Variants in GARNL3 observed in about 807,000 individuals in gnomAD.
GARNL3 encodes GTPase activating Rap/RanGAP domain like 3.
GARNL3 carries 63 observed loss-of-function variants against 125.0 expected under a neutral mutation model. The ratio of observed to expected loss-of-function variants is 0.50; its 90% CI spans 0.41 to 0.62. The LOEUF (loss-of-function observed/expected upper bound fraction) is 0.62. Among genes scored for constraint, GARNL3 ranks in the 20% least tolerant of loss-of-function variants. GARNL3 has a pLI of 0.00. For synonymous variants in GARNL3, 439 were observed against 457.5 expected (o/e 0.96, Z 0.52); for missense variants, 994 against 1,244.0 (o/e 0.80, Z 3.02).
Position 127,321,910 on chromosome 9 carries a change from G to A in GARNL3, c.567+1132G>A, listed in dbSNP as rs116020330. On this transcript the variant is annotated intron_variant, in intron 6 of 27. Coordinates refer to ENST00000373387, the MANE Select transcript of GARNL3 (RefSeq NM_032293.5). ...ACTGATTGGAACATGAACAATCTTT[G>A]CTTGTATATCTTTAAAATACGGTTA... Among the ~76,000 whole-genome samples, 414 of 152,236 alleles carry A rather than the reference G, an allele frequency of 2.7e-3. 2 individuals carry two copies. Among genetic ancestry groups the A allele is most frequent in the African/African-American group, 9.4e-3 (390 of 41,546 alleles).
intron 1 of GARNL3, among the ~76,000 whole-genome samples, chr9:127,227,476 C>T (rs1207947918): frequency 6.6e-6 from 1 of 152,054 alleles, no homozygotes; most frequent in Non-Finnish European, 1.5e-5. Flanking sequence ...TGGTAGGCGC[C>T]TGTAATCCCA....
chr9:127,386,751 G>A (rs554236027), intron 24 of GARNL3, among the ~76,000 whole-genome samples: 7 of 152,346 alleles, frequency 4.6e-5, no homozygotes, highest in East Asian at 3.9e-4. Flanking sequence ...TAGCAGCAGC[G>A]CCAGCGCATC....
At chr9:127,231,050 A>ATATTTTTTTTTT (rs1161629810) in intron 1 of GARNL3, among the ~76,000 whole-genome samples, 1 of 89,580 alleles carries the variant, frequency 1.1e-5, no homozygotes, top group Non-Finnish European at 1.8e-5. Context: ...ATATATATAT[A>ATATTTTTTTTTT]TTTTTTTTTT....
chr9:127,392,575 G>A lies in GARNL3; in HGVS notation c.2871-508G>A, dbSNP rs1237435973. On this transcript the variant is annotated intron_variant, in intron 27 of 27. Coordinates refer to ENST00000373387, the MANE Select transcript of GARNL3 (RefSeq NM_032293.5). This position sits in a 1 kb window ranked among gnomAD's most constrained non-coding sequence, Gnocchi z 5.2. ...CCGAGAGTGGGCAGCAGCTGAGCCA[G>A]GTGGGCTTTTGCAGGCCAATGAGTA... Among the ~76,000 whole-genome samples, 3 of 152,266 alleles carry A rather than the reference G, an allele frequency of 2.0e-5. No individual in the cohort carries two copies. The highest frequency in any genetic ancestry group is 7.2e-5 in the African/African-American group (3 of 41,476).
chr9:127,391,309 T>G lies in GARNL3; in HGVS notation c.2870+542T>G, dbSNP rs1310842701. 1.5e-4 allele frequency among the ~76,000 whole-genome samples: 21 copies of G among 144,720 alleles called. No homozygotes were observed. In the Admixed American group the frequency reaches 1.5e-3, roughly 10 times the overall value. The allele number at this position is 144,720 out of a possible 152,430, so 94.9% of individuals were successfully genotyped here. ...CAAAAAATATATATATAATATATATTTTATATTTATATATTTAATATCTAT... is the reference window on the plus strand; with the variant it reads ...CAAAAAATATATATATAATATATATGTTATATTTATATATTTAATATCTAT... On this transcript the variant is annotated intron_variant, in intron 27 of 27. Coordinates refer to ENST00000373387, the MANE Select transcript of GARNL3 (RefSeq NM_032293.5).
In GARNL3 at chr9:127,266,577, T is replaced by C. The variant is rs1228417151; in HGVS notation, c.144+1556T>C. Among the ~76,000 whole-genome samples the C allele has an allele frequency of 6.6e-6, 1 of 152,246 alleles. No individual in the cohort carries two copies. The highest frequency in any genetic ancestry group is 1.9e-4 in the East Asian group (1 of 5,208). Reference sequence around the variant, plus strand: ...TTCTTGTTTCATCATTCACTAATTGTATGATCTTGGACTTCCTTTAGCATC... The same window carrying C: ...TTCTTGTTTCATCATTCACTAATTGCATGATCTTGGACTTCCTTTAGCATC... On this transcript the variant is annotated intron_variant, in intron 1 of 27. Coordinates refer to ENST00000373387, the MANE Select transcript of GARNL3 (RefSeq NM_032293.5). This position sits in a 1 kb window ranked among gnomAD's most constrained non-coding sequence, Gnocchi z 4.0.
At chr9:127,309,799 T>G (rs577120860) in intron 2 of GARNL3, among the ~76,000 whole-genome samples, 1 of 152,314 alleles carries the variant, frequency 6.6e-6, no homozygotes, top group South Asian at 2.1e-4. Flanking sequence ...CTTTGTAAAC[T>G]TCCAATTGAA....
chr9:127,311,579 G>T lies in GARNL3; in HGVS notation c.220-57G>T, dbSNP rs986753672. On this transcript the variant is annotated intron_variant, in intron 2 of 27. Transcript: ENST00000373387. ...TTCTTTGGCCGCTGGTTCATTGCCA[G>T]GTTCATGTTTACTTTCTGAATAAGC... 2.5e-6 allele frequency: 3 copies of T among 1,201,142 alleles called. No homozygotes were observed. In the East Asian group the frequency reaches 7.0e-5, roughly 28 times the overall value. The allele number at this position is 1,201,142 out of a possible 1,614,324, so 74.4% of individuals were successfully genotyped here.
upstream of GARNL3, among the ~76,000 whole-genome samples, chr9:127,260,382 C>T (rs966613031): frequency 1.3e-5 from 2 of 152,182 alleles, no homozygotes; most frequent in Admixed American, 6.5e-5. Flanking sequence ...TACAACCTCT[C>T]GGAATAGGGC....
rs766207673 is a variant in GARNL3 at position 127,311,642 on chromosome 9, A to G, written c.226A>G (p.Thr76Ala). Reference sequence around the variant, plus strand: ...CAACTTTGTTCCATTACAGAATGCAACTGCCCTGCCTGGTACTTGGCGAAG... The same window carrying G: ...CAACTTTGTTCCATTACAGAATGCAGCTGCCCTGCCTGGTACTTGGCGAAG... ...VENGSSDENA[T>A]ALPGTWRRTD... Residue 76 changes from threonine (T) to alanine (A), a missense_variant, in exon 3 of 28, where the codon ACT becomes GCT. Thr to Ala is a moderately conservative substitution (Grantham distance 58). This residue lies in a region of GARNL3 where 139 missense variants were observed against 231.6 expected (regional missense o/e 0.60). Transcript: ENST00000373387. 4.3e-6 allele frequency: 7 copies of G among 1,613,052 alleles called. No homozygotes were observed. The South Asian group carries it at 5.5e-5, about 13-fold the overall frequency.
intron 7 of GARNL3, among the ~76,000 whole-genome samples, chr9:127,327,172 G>C (rs1008274030): frequency 2.0e-5 from 3 of 152,154 alleles, no homozygotes; most frequent in Admixed American, 6.5e-5. Flanking sequence ...TACTTATTGA[G>C]CTCCTACCGT....
In GARNL3 at chr9:127,290,414, C is replaced by T. The variant is rs184829539; in HGVS notation, c.145-754C>T. On this transcript the variant is annotated intron_variant, in intron 1 of 27. Transcript: ENST00000373387. Reference sequence around the variant, plus strand: ...TGAGTTAGAGAGGTGAGAAGTGCCCCTCAGGGCAGATGCGTTCTGATGAGT... The same window carrying T: ...TGAGTTAGAGAGGTGAGAAGTGCCCTTCAGGGCAGATGCGTTCTGATGAGT... Among the ~76,000 whole-genome samples, 15 of 152,294 alleles carry T rather than the reference C, an allele frequency of 9.8e-5. 1 individual carries two copies. Among genetic ancestry groups the T allele is most frequent in the Admixed American group, 7.8e-4 (12 of 15,288 alleles).
chr9:127,385,700 A>G lies in GARNL3; in HGVS notation c.2388+555A>G, dbSNP rs10819284. On this transcript the variant is annotated intron_variant, in intron 24 of 27. Coordinates refer to ENST00000373387, the MANE Select transcript of GARNL3 (RefSeq NM_032293.5). The surrounding 1 kb of genome is among the most constrained non-coding windows in gnomAD (Gnocchi z 4.1). ...GTCCCCTCCCCTGAGTCAGGCCCACAAAGTCCTCCCCAGCCCTGCCAGACT... is the reference window on the plus strand; with the variant it reads ...GTCCCCTCCCCTGAGTCAGGCCCACGAAGTCCTCCCCAGCCCTGCCAGACT... 0.14 allele frequency among the ~76,000 whole-genome samples: 20,928 copies of G among 152,158 alleles called. 1,988 individuals carry two copies. Among genetic ancestry groups the G allele is most frequent in the East Asian group, 0.37 (1,926 of 5,174 alleles).
chr9:127,348,618 G>C (rs1830266481), intron 16 of GARNL3, among the ~76,000 whole-genome samples: 1 of 152,202 alleles, frequency 6.6e-6, no homozygotes, highest in Non-Finnish European at 1.5e-5. Context: ...AGGTGTTAAA[G>C]CAAAATGCTT....
chr9:127,290,636 A>G (rs1026509576), intron 1 of GARNL3, among the ~76,000 whole-genome samples: 2 of 152,260 alleles, frequency 1.3e-5, no homozygotes, highest in East Asian at 1.9e-4. Flanking sequence ...GAGACTGTCT[A>G]TTTGCAAGCA....
chr9:127,307,313 G>A (rs551588022), intron 2 of GARNL3, among the ~76,000 whole-genome samples: 1 of 152,226 alleles, frequency 6.6e-6, no homozygotes, highest in South Asian at 2.1e-4. Flanking sequence ...AGAAGTTTAC[G>A]ATGGGCCCAA....
At position 127,339,704 on chromosome 9, in the gene GARNL3, C is replaced by T; in HGVS notation, c.1088C>T (p.Pro363Leu). Residue 363 changes from proline to leucine, a missense_variant, in exon 13 of 28, where the codon CCA becomes CTA. By Grantham distance (98) the Pro-to-Leu change is moderately conservative (BLOSUM62 -3). Around this residue, in one of 5 missense-constraint regions of GARNL3, gnomAD observed 728 missense variants for 865.7 expected, o/e 0.84. Transcript: ENST00000373387. ...PLFGPPLPTP[P>L]VFTDHQEFRD... is the part of the protein sequence containing the mutation. ...TTTGGCCCTCCCTTGCCAACTCCAC[C>T]AGTGTTTACAGACCACCAGGAATTC... is the stretch of plus-strand genomic sequence containing the variant. 6.2e-7 allele frequency: 1 copy of T among 1,613,820 alleles called. No individual in the cohort carries two copies. The highest frequency in any genetic ancestry group is 8.5e-7 in the Non-Finnish European group (1 of 1,179,684).
intron 2 of GARNL3, among the ~76,000 whole-genome samples, chr9:127,298,208 G>T (rs968083711): frequency 1.3e-5 from 2 of 152,056 alleles, no homozygotes; most frequent in African/African-American, 2.4e-5. Flanking sequence ...ACGAAGTCTT[G>T]GCTCTTATTG....
At chr9:127,302,583 T>G (rs1291713315) in intron 2 of GARNL3, among the ~76,000 whole-genome samples, 2 of 152,140 alleles carry the variant, frequency 1.3e-5, no homozygotes, top group East Asian at 3.8e-4. Context: ...GCCATTTTTC[T>G]TAAAAACAAA....
Sources: gnomAD v4.1 joint callset for allele counts (sites outside exome capture counted in the v4.1 genomes callset) on GRCh38, gnomAD v4.1.1 for gene constraint, gnomAD v4.1.1 regional missense constraint, Gnocchi (gnomAD v3.1) non-coding constraint, MANE v1.5 for transcripts, NCBI Gene and HGNC (gene_info 2026-07-23, HGNC 2026-07-21) for gene names.